Variants in FBXL13 observed in about 807,000 individuals in gnomAD.
FBXL13 encodes the protein F-box and leucine rich repeat protein 13.
In FBXL13, 67 loss-of-function variants were observed where a neutral mutation model predicts 83.6. That is an observed-to-expected ratio of 0.80 (90% CI 0.66 to 0.98). The LOEUF (loss-of-function observed/expected upper bound fraction) is 0.98, where lower values mean the gene tolerates loss of function less well. Ranked by LOEUF, FBXL13 falls within the 50% of genes least tolerant of loss-of-function variation. The pLI, the probability that FBXL13 is intolerant of heterozygous loss-of-function variation, is 0.00. For synonymous variants in FBXL13, 272 were observed against 299.5 expected, an observed-to-expected ratio of 0.91 and a Z score of 0.95; for missense variants, 822 against 866.5, an observed-to-expected ratio of 0.95 and a Z score of 0.64.
At chr7:102,862,715 T>A (rs573877567) in intron 16 of FBXL13, among the ~76,000 whole-genome samples, 9 of 152,368 alleles carry the variant, frequency 5.9e-5, no homozygotes, top group Non-Finnish European at 2.9e-5. Flanking sequence ...TCTATCTTCA[T>A]ATTACTTGAC....
intron 17 of FBXL13, among the ~76,000 whole-genome samples, chr7:102,851,637 G>A (rs1202017052): frequency 4.0e-5 from 6 of 150,102 alleles, no homozygotes; most frequent in Non-Finnish European, 8.9e-5. Flanking sequence ...AGTGATTGGG[G>A]TTTTAAACTC....
intron 6 of FBXL13, among the ~76,000 whole-genome samples, chr7:103,022,481 A>G (rs538167788): frequency 6.6e-6 from 1 of 152,342 alleles, no homozygotes; most frequent in South Asian, 2.1e-4. Flanking sequence ...AAGTATAAAA[A>G]AAAAAACCAG....
At chr7:102,811,905 A>T (rs945377226), downstream of FBXL13, among the ~76,000 whole-genome samples, 1 of 152,196 alleles carries the variant, frequency 6.6e-6, no homozygotes, top group African/African-American at 2.4e-5. Flanking sequence ...TTGCAAGTCA[A>T]CCTCAGTGGG....
intron 2 of FBXL13, among the ~76,000 whole-genome samples, chr7:103,030,745 CAA>C (rs1250101466): frequency 1.3e-5 from 2 of 152,066 alleles, no homozygotes; most frequent in East Asian, 1.9e-4. Context: ...CATTTGAACT[CAA>C]GTTTTCTTTT....
At chr7:102,843,080 C>A (rs557965303) in intron 17 of FBXL13, among the ~76,000 whole-genome samples, 59 of 152,130 alleles carry the variant, frequency 3.9e-4, no homozygotes, top group African/African-American at 1.3e-3. Flanking sequence ...TTTTTAAAAT[C>A]GAAAGTTTAT....
chr7:102,914,947 CT>C (rs1220800815), intron 10 of FBXL13, among the ~76,000 whole-genome samples: 4 of 152,020 alleles, frequency 2.6e-5, no homozygotes, highest in Non-Finnish European at 5.9e-5. Flanking sequence ...TCTAGCAATC[CT>C]TTAGCTTTAT....
At position 102,832,835 on chromosome 7, in the gene FBXL13, C is replaced by A. The variant is rs1562922924; in HGVS notation, c.1854+5G>T. On this transcript the variant is annotated splice_donor_5th_base_variant and intron_variant, in intron 18 of 19. Coordinates refer to ENST00000313221, the Ensembl canonical transcript of FBXL13. ...ATGTGTTTGAGCCCTGACTCCTGCA[C>A]ATACCTTTGGACAGCCAGCAATGCT... is the stretch of plus-strand genomic sequence containing the variant. The A allele has an allele frequency of 6.2e-7, 1 of 1,614,132 alleles. No individual in the cohort carries two copies.
At chr7:102,816,955 T>G (rs1798103202) in intron 19 of FBXL13, among the ~76,000 whole-genome samples, 1 of 152,268 alleles carries the variant, frequency 6.6e-6, no homozygotes, top group Admixed American at 6.5e-5. Context: ...TTTTTATGAC[T>G]GTGTAGCATC....
intron 11 of FBXL13, among the ~76,000 whole-genome samples, chr7:102,900,128 T>C (rs1181235547): frequency 1.3e-5 from 2 of 152,246 alleles, no homozygotes; most frequent in Admixed American, 1.3e-4. Flanking sequence ...TTTCACTTTT[T>C]ATTGCAGCTC....
At chr7:102,824,372 T>C (rs1799253874) in intron 18 of FBXL13, among the ~76,000 whole-genome samples, 1 of 152,220 alleles carries the variant, frequency 6.6e-6, no homozygotes, top group South Asian at 2.1e-4. Flanking sequence ...GGAAAGCAAT[T>C]ACACATTTAT....
intron 16 of FBXL13, among the ~76,000 whole-genome samples, chr7:102,860,679 C>CTG (rs150779937): frequency 0.2 from 29,792 of 150,548 alleles, 3,161 homozygotes; most frequent in East Asian, 0.43. Flanking sequence ...TTGGAATGCT[C>CTG]TGTGTGTGTG....
At chr7:102,988,437 CA>C (rs1434926326) in intron 6 of FBXL13, 1 of 151,842 alleles carries the variant, frequency 6.6e-6, no homozygotes, top group Non-Finnish European at 1.5e-5. Flanking sequence ...TGCAGAGCAG[CA>C]GCAAAAATGG....
intron 6 of FBXL13, among the ~76,000 whole-genome samples, chr7:102,995,058 T>C (rs1271804487): frequency 6.6e-6 from 1 of 152,098 alleles, no homozygotes; most frequent in Non-Finnish European, 1.5e-5. Flanking sequence ...AGCACAAACA[T>C]CTCTAAGCTG....
intron 10 of FBXL13, among the ~76,000 whole-genome samples, chr7:102,924,925 G>A (rs926647897): frequency 6.0e-5 from 9 of 150,538 alleles, no homozygotes; most frequent in African/African-American, 1.7e-4. Flanking sequence ...CACCGTGCCC[G>A]GCCTGTGTAA....
chr7:103,069,729 A>G (rs1048498477), intron 1 of FBXL13, among the ~76,000 whole-genome samples: 1 of 152,212 alleles, frequency 6.6e-6, no homozygotes, highest in Non-Finnish European at 1.5e-5. Context: ...GAAAGAGTAT[A>G]TCATCTGGAA....
chr7:102,897,531 G>T (rs1267802085), intron 11 of FBXL13, among the ~76,000 whole-genome samples: 1 of 152,020 alleles, frequency 6.6e-6, no homozygotes. Flanking sequence ...ACAAGAGAGG[G>T]GCCCTGCACA....
At chr7:103,074,719 T>A (rs1304314092), upstream of FBXL13, 1 of 1,289,768 alleles carries the variant, frequency 7.8e-7, no homozygotes, top group South Asian at 1.2e-5. Flanking sequence ...GGAATGTAGT[T>A]CTCCTTGAAG....
At chr7:102,857,995 C>A (rs11980643) in intron 16 of FBXL13, among the ~76,000 whole-genome samples, 1 of 151,968 alleles carries the variant, frequency 6.6e-6, no homozygotes, top group Non-Finnish European at 1.5e-5. Flanking sequence ...GGGATACCTA[C>A]ACTCCCATGT....
chr7:102,894,475 G>A (rs1187100024), intron 11 of FBXL13, among the ~76,000 whole-genome samples: 1 of 152,020 alleles, frequency 6.6e-6, no homozygotes, highest in African/African-American at 2.4e-5. Context: ...TGTAATCCTG[G>A]CACTTTGGGA....
Sources: gnomAD v4.1 joint callset for allele counts (sites outside exome capture counted in the v4.1 genomes callset) on GRCh38, gnomAD v4.1.1 for gene constraint, MANE v1.5 for transcripts, NCBI Gene and HGNC (gene_info 2026-07-23, HGNC 2026-07-21) for gene names.